LRRC4B: variants seen among roughly 807,000 people sequenced by gnomAD.
LRRC4B encodes the protein leucine rich repeat containing 4B, also known as leucine-rich repeat-containing protein 4B.
Under a neutral mutation model 7.3 loss-of-function variants are expected in LRRC4B, and 1 was observed. The ratio of observed to expected loss-of-function variants is 0.14; its 90% CI spans 0.05 to 0.65. The LOEUF (loss-of-function observed/expected upper bound fraction) is 0.65, where lower values mean the gene tolerates loss of function less well. Ranked by LOEUF, LRRC4B falls within the 30% of genes least tolerant of loss-of-function variation. The probability of loss-of-function intolerance (pLI) is 0.84; values close to 1 mark genes in which losing one functional copy is unlikely to be tolerated. For synonymous variants in LRRC4B, 500 were observed against 499.2 expected (o/e 1.00, Z -0.02); for missense variants, 730 against 1,041.6 (o/e 0.70, Z 4.12).
At chr19:50,531,203 T>C (rs1382088097) in intron 2 of LRRC4B, among the ~76,000 whole-genome samples, 7 of 152,142 alleles carry the variant, frequency 4.6e-5, no homozygotes, top group Non-Finnish European at 2.9e-5. Flanking sequence ...TCCTGCTGAC[T>C]CCCCCGGCAG....
At position 50,556,982 on chromosome 19, in the gene LRRC4B, T is replaced by C. The variant is rs1017654266; in HGVS notation, c.-35-8109A>G. On this transcript the variant is annotated intron_variant, in intron 1 of 2. Transcript: ENST00000652263. This position sits in a 1 kb window ranked among gnomAD's most constrained non-coding sequence, Gnocchi z 4.2. The stretch of plus-strand genomic sequence containing the variant: ...GGCCCTCCTTCCTCTCACAACGGGC[T>C]GTGACAACAGAGGGGCAGGCTCAGC... 6.6e-6 allele frequency among the ~76,000 whole-genome samples: 1 copy of C among 151,872 alleles called. No homozygotes were observed. The highest frequency in any genetic ancestry group is 2.4e-5 in the African/African-American group (1 of 41,322).
In LRRC4B at chr19:50,517,995, T is replaced by A; in HGVS notation, c.1718A>T (p.Lys573Met). 3 of 1,541,262 alleles carry A rather than the reference T, an allele frequency of 1.9e-6. No individual in the cohort carries two copies. The South Asian group carries it at 3.8e-5, about 19-fold the overall frequency. Reference sequence around the variant, plus strand: ...GCAGCCGATGATGATTTTGGTGGTCTTCATGACGTCGTCCAGGTCCTTGAG... The same window carrying A: ...GCAGCCGATGATGATTTTGGTGGTCATCATGACGTCGTCCAGGTCCTTGAG... ...NALKDLDDVMKTTKIIIGCFV... is the reference protein window; with the variant it reads ...NALKDLDDVMMTTKIIIGCFV... Residue 573 changes from lysine to methionine, a missense_variant, in exon 3 of 3, where the codon AAG (lysine) becomes ATG (methionine). Physicochemically the swap from Lys to Met is moderately conservative, Grantham distance 95. Around this residue, in one of 6 missense-constraint regions of LRRC4B, gnomAD observed 192 missense variants for 228.6 expected, o/e 0.84. Coordinates refer to ENST00000652263, the MANE Select transcript of LRRC4B (RefSeq NM_001080457.2). The surrounding 1 kb of genome is among the most constrained non-coding windows in gnomAD (Gnocchi z 6.6).
Position 50,517,675 on chromosome 19 carries a change from CGCTGGGGTTGCT to C in LRRC4B, c.2026_2037del (p.Ser676_Ser679del). ...GGGCCTTTGCCCCCGCAGCCCCCGC[CGCTGGGGTTGCT>C]GCTGTAGTGCGCCTTGAAGGCGGCA... On this transcript the variant is annotated inframe_deletion, in exon 3 of 3. Transcript: ENST00000652263. The surrounding 1 kb of genome is among the most constrained non-coding windows in gnomAD (Gnocchi z 6.6). The C allele has an allele frequency of 2.0e-6, 3 of 1,536,816 alleles. No homozygotes were observed. The highest frequency in any genetic ancestry group is 2.6e-6 in the Non-Finnish European group (3 of 1,145,032).
chr19:50,551,093 GCTTCT>G (rs1958268852), intron 1 of LRRC4B: 1 of 141,304 alleles, frequency 7.1e-6, no homozygotes, highest in Non-Finnish European at 1.5e-5. Context: ...CCCCATCACG[GCTTCT>G]GCAGCGACTC....
chr19:50,547,553 G>T (rs1303018064), intron 2 of LRRC4B, among the ~76,000 whole-genome samples: 1 of 151,476 alleles, frequency 6.6e-6, no homozygotes, highest in Non-Finnish European at 1.5e-5. Flanking sequence ...CTTGCTTGGA[G>T]GCAGGAGTTG....
intron 2 of LRRC4B, among the ~76,000 whole-genome samples, chr19:50,526,953 A>T (rs1429879448): frequency 6.6e-6 from 1 of 150,764 alleles, no homozygotes; most frequent in Non-Finnish European, 1.5e-5. Flanking sequence ...TCCCGGGTTC[A>T]TGCAATTCTC....
At position 50,519,433 on chromosome 19, in the gene LRRC4B, C is replaced by A; in HGVS notation, c.298-18G>T. ...CGGATCACCTGGGGAGAGGGAGACA[C>A]GGATCAGTCACGGAGATACTGACGG... On this transcript the variant is annotated intron_variant, in intron 2 of 2. Transcript: ENST00000652263. The surrounding 1 kb of genome is among the most constrained non-coding windows in gnomAD (Gnocchi z 8.1). The A allele has an allele frequency of 6.4e-7, 1 of 1,560,728 alleles. No homozygotes were observed. Among genetic ancestry groups the A allele is most frequent in the Non-Finnish European group, 8.6e-7 (1 of 1,157,666 alleles).
At position 50,536,869 on chromosome 19, in the gene LRRC4B, T is replaced by G. The variant is rs2122850297; in HGVS notation, c.297+11673A>C. 1.3e-5 allele frequency among the ~76,000 whole-genome samples: 2 copies of G among 152,230 alleles called. 1 individual carries two copies. Among genetic ancestry groups the G allele is most frequent in the Non-Finnish European group, 2.9e-5 (2 of 67,992 alleles). ...CAGTAGAGGGTGCCCCTGAGCTTGG[T>G]GTAGCTGGGAGCGCCAGGCATACTC... On this transcript the variant is annotated intron_variant, in intron 2 of 2. Transcript: ENST00000652263.
intron 2 of LRRC4B, among the ~76,000 whole-genome samples, chr19:50,528,980 C>G (rs1216904569): frequency 6.6e-6 from 1 of 152,182 alleles, no homozygotes; most frequent in Admixed American, 6.5e-5. Context: ...TGGGCATCGC[C>G]TGTCCAGGGC....
chr19:50,550,306 A>G (rs528321660), intron 1 of LRRC4B, among the ~76,000 whole-genome samples: 1 of 152,120 alleles, frequency 6.6e-6, no homozygotes, highest in East Asian at 1.9e-4. Flanking sequence ...GAGTACACAC[A>G]AATACACCCA....
chr19:50,520,354 G>A (rs1980523818), intron 2 of LRRC4B, among the ~76,000 whole-genome samples: 1 of 151,794 alleles, frequency 6.6e-6, no homozygotes, highest in South Asian at 2.1e-4. Flanking sequence ...GGACGGCCAG[G>A]CATGGTGGCT....
At chr19:50,538,895 C>T (rs1344204382) in intron 2 of LRRC4B, among the ~76,000 whole-genome samples, 1 of 143,480 alleles carries the variant, frequency 7.0e-6, no homozygotes, top group Non-Finnish European at 1.5e-5. Flanking sequence ...CGCACGCCGC[C>T]TTTTTTTTTT....
In LRRC4B at chr19:50,517,286, A is replaced by C. The variant is rs1237592385; in HGVS notation, c.*285T>G. On this transcript the variant is annotated 3_prime_UTR_variant, in exon 3 of 3. Coordinates refer to ENST00000652263, the MANE Select transcript of LRRC4B (RefSeq NM_001080457.2). The surrounding 1 kb of genome is among the most constrained non-coding windows in gnomAD (Gnocchi z 6.6). ...ACGCTTGGTGGGAGAGCGAGGAGGA[A>C]ACGCGGAGAACTCAGGCCACTTCTC... is the stretch of plus-strand genomic sequence containing the variant. 3 of 278,144 alleles carry C rather than the reference A, an allele frequency of 1.1e-5. No homozygotes were observed. The highest frequency in any genetic ancestry group is 2.2e-5 in the African/African-American group (1 of 45,690). The allele number at this position is 278,144 out of a possible 1,614,324, so 17.2% of individuals were successfully genotyped here.
rs546724811 is a variant in LRRC4B, at chr19:50,567,101, G to A, written c.-36+843C>T. 6.7e-5 allele frequency among the ~76,000 whole-genome samples: 10 copies of A among 150,152 alleles called. No individual in the cohort carries two copies. In the South Asian group the frequency reaches 1.7e-3, roughly 26 times the overall value. ...AGGTCCTAGAAGAGCAGGTGTGAGG[G>A]TCGGAAGCCTGGGGAGGAGGCAGCA... On this transcript the variant is annotated intron_variant, in intron 1 of 2. Coordinates refer to ENST00000652263, the MANE Select transcript of LRRC4B (RefSeq NM_001080457.2).
intron 1 of LRRC4B, among the ~76,000 whole-genome samples, chr19:50,562,773 CTT>C (rs1012227036): frequency 7.2e-6 from 1 of 138,634 alleles, no homozygotes; most frequent in Non-Finnish European, 1.5e-5. Context: ...GAGTTTTGCT[CTT>C]GTCGTCTAGG....
chr19:50,519,481 G>T lies in LRRC4B; in HGVS notation c.298-66C>A. The stretch of plus-strand genomic sequence containing the variant: ...CGGGGACCGTGGGGGGATCACCAAG[G>T]TCCCGGGCGCAGGTGGGGCCGTGTG... On this transcript the variant is annotated intron_variant, in intron 2 of 2. Coordinates refer to ENST00000652263, the MANE Select transcript of LRRC4B (RefSeq NM_001080457.2). This position sits in a 1 kb window ranked among gnomAD's most constrained non-coding sequence, Gnocchi z 8.1. 2 of 1,467,872 alleles carry T rather than the reference G, an allele frequency of 1.4e-6. No individual in the cohort carries two copies. The highest frequency in any genetic ancestry group is 1.8e-6 in the Non-Finnish European group (2 of 1,112,294). The allele number at this position is 1,467,872 out of a possible 1,614,324, so 90.9% of individuals were successfully genotyped here. A position where few individuals can be genotyped will look rare whatever the true frequency, so the allele number is the denominator to read the frequency against.
At chr19:50,521,049 T>G (rs1196424856) in intron 2 of LRRC4B, among the ~76,000 whole-genome samples, 2 of 152,136 alleles carry the variant, frequency 1.3e-5, no homozygotes, top group African/African-American at 4.8e-5. Flanking sequence ...TAAAGGATGC[T>G]GCGGCTCAGC....
At chr19:50,565,187 C>T (rs1284705472) in intron 1 of LRRC4B, among the ~76,000 whole-genome samples, 4 of 152,136 alleles carry the variant, frequency 2.6e-5, no homozygotes, top group African/African-American at 4.8e-5. Flanking sequence ...TTGGTGTGTG[C>T]GCCACAGTGC....
At chr19:50,546,557 T>C (rs1305847675) in intron 2 of LRRC4B, among the ~76,000 whole-genome samples, 1 of 151,980 alleles carries the variant, frequency 6.6e-6, no homozygotes, top group African/African-American at 2.4e-5. Flanking sequence ...GGATGAGAAA[T>C]AGAGGCGTCT....
Sources: allele counts gnomAD v4.1 joint callset (sites outside exome capture counted in the v4.1 genomes callset), GRCh38; gene constraint gnomAD v4.1.1; regional missense constraint gnomAD v4.1.1; non-coding constraint Gnocchi (gnomAD v3.1); transcripts MANE v1.5; gene names NCBI Gene and HGNC (gene_info 2026-07-23, HGNC 2026-07-21).